Variants in ERG observed in about 807,000 individuals in gnomAD.
ERG encodes transcriptional regulator ERG.
Under a neutral mutation model 55.3 loss-of-function variants are expected in ERG, and 9 were observed. The ratio of observed to expected loss-of-function variants is 0.16; its 90% confidence interval spans 0.10 to 0.28. The LOEUF (loss-of-function observed/expected upper bound fraction) is 0.28, where lower values mean the gene tolerates loss of function less well. Among genes scored for constraint, ERG ranks in the 10% least tolerant of loss-of-function variants. The probability of loss-of-function intolerance (pLI) is 1.00; values close to 1 mark genes in which losing one functional copy is unlikely to be tolerated. For missense variants in ERG, 434 were observed against 631.6 expected (o/e 0.69, Z 3.35); for synonymous variants, 223 against 237.3 (o/e 0.94, Z 0.55).
chr21:38,483,003 C>A (rs948237450), intron 1 of ERG, among the ~76,000 whole-genome samples: 2 of 152,106 alleles, frequency 1.3e-5, no homozygotes, highest in Admixed American at 1.3e-4. Context: ...AGAGATTCTG[C>A]CAATTGCCAC....
intron 1 of ERG, among the ~76,000 whole-genome samples, chr21:38,649,478 A>G (rs537576653): frequency 6.6e-6 from 1 of 152,332 alleles, no homozygotes; most frequent in East Asian, 1.9e-4. Flanking sequence ...GCTTACATCA[A>G]TGTGGTCTCG....
chr21:38,435,059 T>C (rs1440527019), intron 2 of ERG, among the ~76,000 whole-genome samples: 2 of 152,126 alleles, frequency 1.3e-5, no homozygotes, highest in Non-Finnish European at 2.9e-5. Context: ...ATGGAAGAAA[T>C]GGAAAGGCTT....
intron 2 of ERG, among the ~76,000 whole-genome samples, chr21:38,443,590 G>A (rs891478531): frequency 6.6e-6 from 1 of 152,160 alleles, no homozygotes; most frequent in Non-Finnish European, 1.5e-5. Flanking sequence ...GCATTCTTCT[G>A]TGTTTCAGAA....
chr21:38,600,279 A>G (rs1871484325), intron 1 of ERG, among the ~76,000 whole-genome samples: 1 of 152,204 alleles, frequency 6.6e-6, no homozygotes, highest in South Asian at 2.1e-4. Flanking sequence ...AGTTTTGACA[A>G]CCTCAGAATC....
chr21:38,435,159 C>T (rs571239180), intron 2 of ERG, among the ~76,000 whole-genome samples: 1 of 152,274 alleles, frequency 6.6e-6, no homozygotes, highest in South Asian at 2.1e-4. Flanking sequence ...GCATTCCAGG[C>T]CTGTCTCAAG....
At chr21:38,423,277 C>A (rs1989630758) in intron 3 of ERG, 133 bp downstream of exon 3, 3 of 882,932 alleles carry the variant, frequency 3.4e-6, no homozygotes, top group Non-Finnish European at 5.0e-6. Context: ...TGCCAGCTCC[C>A]ATTTACAAGC....
At chr21:38,441,096 C>G (rs983509092) in intron 2 of ERG, among the ~76,000 whole-genome samples, 1 of 152,178 alleles carries the variant, frequency 6.6e-6, no homozygotes, top group Non-Finnish European at 1.5e-5. Flanking sequence ...TCCAGTCAGG[C>G]TGAGCTCCAG....
intron 1 of ERG, among the ~76,000 whole-genome samples, chr21:38,608,311 A>T (rs945168176): frequency 2.6e-5 from 4 of 152,196 alleles, no homozygotes; most frequent in Admixed American, 6.5e-5. Flanking sequence ...AAGCTGGAAT[A>T]GCCACTTTAC....
chr21:38,646,999 C>T (rs891860129), intron 1 of ERG, among the ~76,000 whole-genome samples: 2 of 152,200 alleles, frequency 1.3e-5, no homozygotes, highest in Admixed American at 6.5e-5. Context: ...TCCATGCCGC[C>T]TTGCTCTCTC....
intron 6 of ERG, among the ~76,000 whole-genome samples, chr21:38,393,491 G>A (rs186436874): frequency 2.6e-5 from 4 of 152,330 alleles, no homozygotes; most frequent in African/African-American, 7.2e-5. Context: ...GAAGGCCATG[G>A]CCAAATATCT....
intron 2 of ERG, among the ~76,000 whole-genome samples, chr21:38,562,719 A>G (rs1247992451): frequency 2.0e-5 from 3 of 152,200 alleles, no homozygotes; most frequent in Non-Finnish European, 4.4e-5. Flanking sequence ...AGGTGCAAAG[A>G]AAAATTCACT....
At chr21:38,376,817 C>T (rs577611582), downstream of ERG, among the ~76,000 whole-genome samples, 3 of 152,238 alleles carry the variant, frequency 2.0e-5, no homozygotes, top group Non-Finnish European at 2.9e-5. Context: ...ACCTGCAGCA[C>T]GTATCCTGTG....
intron 1 of ERG, chr21:38,575,837 G>A: frequency 1.0e-6 from 1 of 953,664 alleles, no homozygotes; most frequent in Admixed American, 2.1e-5. Flanking sequence ...ATTCACCAAT[G>A]GCAAAAGAAT....
At chr21:38,590,309 T>A (rs910443034) in intron 1 of ERG, among the ~76,000 whole-genome samples, 1 of 152,024 alleles carries the variant, frequency 6.6e-6, no homozygotes, top group African/African-American at 2.4e-5. Flanking sequence ...CACTTAGCAT[T>A]TCAGTAAGTG....
chr21:38,400,436 G>A lies in ERG; in HGVS notation c.745+138C>T, dbSNP rs1450768348. 3.8e-6 allele frequency: 3 copies of A among 786,240 alleles called. No individual in the cohort carries two copies. The African/African-American group carries it at 5.1e-5, about 13-fold the overall frequency. 48.7% of individuals were successfully genotyped at this position (786,240 alleles called of 1,614,324 possible). A position where few individuals can be genotyped will look rare whatever the true frequency, so the allele number is the denominator to read the frequency against. ...AGTGGATTTAGTCTCCAAATCAACA[G>A]AGGCAGAATAAGACTGTCTGGGACT... On this transcript the variant is annotated intron_variant, in intron 6 of 9. Transcript: ENST00000288319.
At chr21:38,559,806 A>C (rs1429370295) in intron 2 of ERG, among the ~76,000 whole-genome samples, 1 of 152,022 alleles carries the variant, frequency 6.6e-6, no homozygotes, top group Non-Finnish European at 1.5e-5. Context: ...TCAGTCTCCC[A>C]AGTAGCTGGG....
intron 1 of ERG, among the ~76,000 whole-genome samples, chr21:38,592,172 G>A (rs980864473): frequency 2.0e-5 from 3 of 152,234 alleles, no homozygotes; most frequent in Non-Finnish European, 2.9e-5. Context: ...TCATTTCTAT[G>A]GAGTCAATAT....
rs558822510 is a variant in ERG, at chr21:38,393,025, T to C, written c.746-581A>G. Among the ~76,000 whole-genome samples the C allele has an allele frequency of 3.9e-5, 6 of 152,368 alleles. No homozygotes were observed. In the South Asian group the frequency reaches 1.2e-3, roughly 32 times the overall value. On this transcript the variant is annotated intron_variant, in intron 6 of 9. Transcript: ENST00000288319. ...ATTAAATCAGTCTTATCTGATCTAG[T>C]GATTTTCATAGGCAAATGTCTCCCA... is the stretch of plus-strand genomic sequence containing the variant.
intron 1 of ERG, among the ~76,000 whole-genome samples, chr21:38,469,148 G>T (rs1395488883): frequency 3.3e-5 from 5 of 151,828 alleles, no homozygotes; most frequent in African/African-American, 1.2e-4. Context: ...CTTCTAAGAA[G>T]AATGGTTTCA....
Sources: gnomAD v4.1 joint callset for allele counts (sites outside exome capture counted in the v4.1 genomes callset) on GRCh38, gnomAD v4.1.1 for gene constraint, MANE v1.5 for transcripts, NCBI Gene and HGNC (gene_info 2026-07-23, HGNC 2026-07-21) for gene names.